The following STS variants were observed in gnomAD, a reference collection of about 807,000 sequenced individuals.
The protein encoded by STS is steryl-sulfatase.
In STS, 7 loss-of-function variants were observed where a neutral mutation model predicts 26.8. The ratio of observed to expected loss-of-function variants is 0.26; its 90% confidence interval spans 0.15 to 0.49. The LOEUF is 0.49. Among genes scored for constraint, STS ranks in the 20% least tolerant of loss-of-function variants. The pLI, the probability that STS is intolerant of heterozygous loss-of-function variation, is 0.98. For missense variants in STS, 434 were observed against 465.6 expected (o/e 0.93, Z 0.63); for synonymous variants, 199 against 189.4 (o/e 1.05, Z -0.42).
chrX:7,327,376 C>CTT (rs759561492), intron 9 of STS, among the ~76,000 whole-genome samples: 4 of 99,813 alleles, frequency 4.0e-5, no homozygotes, highest in Non-Finnish European at 4.1e-5. Context: ...AATTCATATT[C>CTT]TTTTTTTTTT....
intron 7 of STS, among the ~76,000 whole-genome samples, chrX:7,278,353 A>G (rs1462223501): frequency 4.5e-5 from 5 of 112,120 alleles, no homozygotes; most frequent in African/African-American, 1.6e-4. Flanking sequence ...CTTCATAAGA[A>G]ACACTCCCTG....
At chrX:7,169,906 G>A (rs1273209995) in intron 1 of STS, among the ~76,000 whole-genome samples, 1 of 108,434 alleles carries the variant, frequency 9.2e-6, no homozygotes, top group South Asian at 4.1e-4. Context: ...GGGGGGCTGG[G>A]GGGTGGGTGC....
chrX:7,194,031 A>G (rs1933925892), intron 2 of STS, among the ~76,000 whole-genome samples: 1 of 111,543 alleles, frequency 9.0e-6, no homozygotes, highest in African/African-American at 3.3e-5. Flanking sequence ...CAGCCTCCTG[A>G]GTAGCTGGGA....
At chrX:7,297,023 T>G (rs775401767) in intron 7 of STS, among the ~76,000 whole-genome samples, 1 of 112,318 alleles carries the variant, frequency 8.9e-6, no homozygotes, top group South Asian at 3.7e-4. Flanking sequence ...TTTCCATGTT[T>G]TAAGTACCCT....
chrX:7,162,882 TAAAAAA>T (rs758518020), intron 1 of STS, among the ~76,000 whole-genome samples: 13 of 49,766 alleles, frequency 2.6e-4, no homozygotes, highest in Non-Finnish European at 4.7e-4. Flanking sequence ...CCGTCTATAC[TAAAAAA>T]AAAAAAAAAA....
chrX:7,344,930 G>T (rs1402162444), intron 10 of STS, among the ~76,000 whole-genome samples: 2 of 111,177 alleles, frequency 1.8e-5, no homozygotes, highest in Non-Finnish European at 3.8e-5. Context: ...ATTCAGAGAG[G>T]CCTGGAAATG....
intron 7 of STS, among the ~76,000 whole-genome samples, chrX:7,291,315 G>T (rs191692365): frequency 3.1e-3 from 347 of 111,625 alleles, no homozygotes; most frequent in Non-Finnish European, 5.2e-3. Context: ...CCGTGGTTTG[G>T]GGGCAACAGT....
chrX:7,285,303 G>A (rs1217238158), intron 7 of STS, among the ~76,000 whole-genome samples: 1 of 111,217 alleles, frequency 9.0e-6, no homozygotes, highest in Admixed American at 9.6e-5. Flanking sequence ...ATTGTGTTTG[G>A]AAAATGGAAG....
chrX:7,200,715 G>A (rs1934054468), intron 2 of STS, among the ~76,000 whole-genome samples: 1 of 111,289 alleles, frequency 9.0e-6, no homozygotes, highest in African/African-American at 3.3e-5. Context: ...GGCTTCTGTG[G>A]ATTCACACCA....
At chrX:7,178,143 G>A (rs761137822) in intron 1 of STS, among the ~76,000 whole-genome samples, 2 of 112,351 alleles carry the variant, frequency 1.8e-5, no homozygotes, top group African/African-American at 6.5e-5. Flanking sequence ...ATATCTGATG[G>A]ATATAGAGAG....
In STS at chrX:7,268,494, AAG is replaced by A. The variant is rs746585951; in HGVS notation, c.807-7454_807-7453del. ...TTTAGGAGGTTTCATTAGTTTCGAT[AAG>A]AGTGTAAGCCAGGAAGGAATGGGGT... On this transcript the variant is annotated intron_variant, in intron 6 of 10. Transcript: ENST00000674429. Among the ~76,000 whole-genome samples the A allele has an allele frequency of 7.3e-3, 814 of 111,949 alleles. 7 individuals carry two copies. The highest frequency in any genetic ancestry group is 0.013 in the Non-Finnish European group (671 of 53,184).
chrX:7,226,316 A>T (rs1307460402), intron 2 of STS, among the ~76,000 whole-genome samples: 1 of 112,028 alleles, frequency 8.9e-6, no homozygotes, highest in Non-Finnish European at 1.9e-5. Context: ...GTGTTGTTGC[A>T]TGTATCAGTG....
chrX:7,264,830 C>G (rs1253719628), intron 6 of STS, among the ~76,000 whole-genome samples: 3 of 111,279 alleles, frequency 2.7e-5, no homozygotes, highest in Admixed American at 9.6e-5. Flanking sequence ...TATTTGTCAC[C>G]TAGATTTTTC....
chrX:7,181,227 G>A (rs1933674793), intron 1 of STS, among the ~76,000 whole-genome samples: 1 of 112,302 alleles, frequency 8.9e-6, no homozygotes, highest in African/African-American at 3.2e-5. Flanking sequence ...ATATACTCGT[G>A]TAACAAACCT....
intron 8 of STS, among the ~76,000 whole-genome samples, chrX:7,316,645 A>C (rs1332893814): frequency 8.9e-6 from 1 of 112,279 alleles, no homozygotes; most frequent in Non-Finnish European, 1.9e-5. Flanking sequence ...AATTCTTGAC[A>C]TGTTATTTAG....
At chrX:7,223,434 C>A (rs1921662430) in intron 2 of STS, among the ~76,000 whole-genome samples, 1 of 112,052 alleles carries the variant, frequency 8.9e-6, no homozygotes. Flanking sequence ...TTTAATATAG[C>A]CCTTCTGATG....
intron 2 of STS, among the ~76,000 whole-genome samples, chrX:7,229,971 G>A (rs150881803): frequency 0.035 from 3,869 of 110,327 alleles, 54 homozygotes; most frequent in East Asian, 0.13. Flanking sequence ...CTTGCACCCC[G>A]GGGCTCAAGA....
chrX:7,170,053 T>C (rs1317813372), intron 1 of STS, among the ~76,000 whole-genome samples: 2 of 111,428 alleles, frequency 1.8e-5, no homozygotes, highest in Non-Finnish European at 3.8e-5. Context: ...AGCAATTTAG[T>C]TCTGGGTGCT....
intron 2 of STS, among the ~76,000 whole-genome samples, chrX:7,204,519 T>TCCTCCCTC (rs1194077189): frequency 3.4e-5 from 3 of 88,274 alleles, no homozygotes; most frequent in Non-Finnish European, 4.5e-5. Flanking sequence ...TTTCCTCCCT[T>TCCTCCCTC]CCTCCCTCCC....
Sources: allele counts gnomAD v4.1 joint callset (sites outside exome capture counted in the v4.1 genomes callset), GRCh38; gene constraint gnomAD v4.1.1; transcripts MANE v1.5; gene names NCBI Gene and HGNC (gene_info 2026-07-23, HGNC 2026-07-21).